Variants in COLGALT2 observed in about 807,000 individuals in gnomAD.
COLGALT2 encodes procollagen galactosyltransferase 2.
In COLGALT2, 49 loss-of-function variants were observed where a neutral mutation model predicts 73.4. The ratio of observed to expected loss-of-function variants is 0.67; its 90% CI spans 0.53 to 0.85. The LOEUF is 0.85. Ranked by LOEUF, COLGALT2 falls within the 40% of genes least tolerant of loss-of-function variation. The pLI is 0.00. For missense variants in COLGALT2, 722 were observed against 790.2 expected (o/e 0.91, Z 1.03); for synonymous variants, 295 against 307.6 (o/e 0.96, Z 0.43).
intron 9 of COLGALT2, among the ~76,000 whole-genome samples, chr1:183,944,701 T>C (rs192777903): frequency 6.6e-6 from 1 of 152,094 alleles, no homozygotes; most frequent in South Asian, 2.1e-4. Flanking sequence ...GGGGTGCTTG[T>C]GGGATGCTGG....
rs754514520 is a variant in COLGALT2, at chr1:183,969,407, C to T, written c.694G>A (p.Val232Ile). 1.4e-5 allele frequency: 23 copies of T among 1,613,654 alleles called. No individual in the cohort carries two copies. Among genetic ancestry groups the T allele is most frequent in the Admixed American group, 3.3e-5 (2 of 59,952 alleles). Residue 232 changes from valine (V) to isoleucine (I), a missense_variant, in exon 5 of 12, where the codon GTC becomes ATC. Val to Ile is a conservative substitution (Grantham distance 29, BLOSUM62 3). Transcript: ENST00000361927. ...AGGAAGGTGGAGTGGACCATGGGGA[C>T]GGGGAAGCAGCCTGTCCTCTTCCAT... is the stretch of plus-strand genomic sequence containing the variant. ...REWKRTGCFP[V>I]PMVHSTFLID...
rs117255932 is a variant in COLGALT2 at position 183,940,255 on chromosome 1, G to A, written c.1604+326C>T. On this transcript the variant is annotated intron_variant, in intron 11 of 11. Transcript: ENST00000361927. Reference sequence around the variant, plus strand: ...GGAACTGGAAATTTTGAGGTGCTTAGGAAGATGGCCTTCACCTTGAGGTGT... The same window carrying A: ...GGAACTGGAAATTTTGAGGTGCTTAAGAAGATGGCCTTCACCTTGAGGTGT... Among the ~76,000 whole-genome samples the A allele has an allele frequency of 6.0e-4, 92 of 152,324 alleles. No individual in the cohort carries two copies. The East Asian group carries it at 0.014, about 22-fold the overall frequency.
intron 1 of COLGALT2, among the ~76,000 whole-genome samples, chr1:183,998,227 G>T (rs527420430): frequency 2.0e-5 from 3 of 152,142 alleles, no homozygotes; most frequent in Non-Finnish European, 4.4e-5. Flanking sequence ...ATACATTATT[G>T]TGGTATTTAT....
intron 1 of COLGALT2, among the ~76,000 whole-genome samples, chr1:184,036,786 G>A (rs931015948): frequency 2.6e-5 from 4 of 152,196 alleles, no homozygotes; most frequent in African/African-American, 4.8e-5. Flanking sequence ...GTCCCCTTGA[G>A]GGGTGTCCCC....
chr1:183,979,147 C>G (rs761277667), intron 1 of COLGALT2, among the ~76,000 whole-genome samples: 2 of 152,240 alleles, frequency 1.3e-5, no homozygotes, highest in African/African-American at 4.8e-5. Context: ...ATAATGTACA[C>G]AAAACTTGTG....
intron 1 of COLGALT2, among the ~76,000 whole-genome samples, chr1:183,979,402 G>C (rs987940153): frequency 5.3e-5 from 8 of 151,740 alleles, no homozygotes; most frequent in Admixed American, 5.3e-4. Context: ...TGACAAAGAA[G>C]GAGACTTTAT....
intron 1 of COLGALT2, among the ~76,000 whole-genome samples, chr1:183,982,815 T>C (rs1280556767): frequency 2.6e-5 from 4 of 152,150 alleles, no homozygotes; most frequent in African/African-American, 9.7e-5. Context: ...AAAAAAATAG[T>C]CTAGGTAATT....
intron 10 of COLGALT2, among the ~76,000 whole-genome samples, chr1:183,941,546 G>A (rs939682377): frequency 6.6e-6 from 1 of 152,170 alleles, no homozygotes; most frequent in Non-Finnish European, 1.5e-5. Context: ...CTATTGATTT[G>A]GGCTTGACTG....
intron 2 of COLGALT2, among the ~76,000 whole-genome samples, chr1:183,975,983 C>T (rs2986555): frequency 0.58 from 88,416 of 152,102 alleles, 29,641 homozygotes; most frequent in Non-Finnish European, 0.76. Flanking sequence ...TGTAACTAAA[C>T]AAATAAGGTT....
intron 1 of COLGALT2, among the ~76,000 whole-genome samples, chr1:184,008,396 A>G (rs567976101): frequency 2.0e-5 from 3 of 152,336 alleles, no homozygotes; most frequent in Admixed American, 1.3e-4. Flanking sequence ...ATGACATTAC[A>G]ACAATTCATA....
At chr1:183,940,467 A>G in intron 11 of COLGALT2, 114 bp downstream of exon 11, 1 of 947,494 alleles carries the variant, frequency 1.1e-6, no homozygotes, top group Non-Finnish European at 1.7e-6. Flanking sequence ...TTATGAGAAG[A>G]TCATTTAGGA....
chr1:183,998,526 ATTG>A (rs2102836408), intron 1 of COLGALT2, among the ~76,000 whole-genome samples: 1 of 152,020 alleles, frequency 6.6e-6, no homozygotes, highest in Non-Finnish European at 1.5e-5. Context: ...CCCTCATCTT[ATTG>A]TTTTGCTTTT....
rs74659183 is a variant in COLGALT2 at position 184,012,217 on chromosome 1, T to C, written c.263+24878A>G. On this transcript the variant is annotated intron_variant, in intron 1 of 11. Coordinates refer to ENST00000361927, the MANE Select transcript of COLGALT2 (RefSeq NM_015101.4). ...TGATTTTTCAAATCCACTAATCTTATAAGCCTTTTTGTGCAAATGTCTCTC... is the reference window on the plus strand; with the variant it reads ...TGATTTTTCAAATCCACTAATCTTACAAGCCTTTTTGTGCAAATGTCTCTC... Among the ~76,000 whole-genome samples the C allele has an allele frequency of 7.0e-3, 1,071 of 152,328 alleles. 12 individuals are homozygous for C. Among genetic ancestry groups the C allele is most frequent in the Middle Eastern group, 0.02 (6 of 294 alleles).
chr1:183,930,070 C>A (rs893541619), exon 12 of COLGALT2: 2 of 356,248 alleles, frequency 5.6e-6, no homozygotes, highest in South Asian at 2.1e-5. Flanking sequence ...TAGACCAAAG[C>A]GACACCTGTC....
chr1:184,018,335 T>G (rs1649072074), intron 1 of COLGALT2, among the ~76,000 whole-genome samples: 1 of 152,120 alleles, frequency 6.6e-6, no homozygotes, highest in Non-Finnish European at 1.5e-5. Flanking sequence ...CCTCTTCCCA[T>G]CTCACTATAT....
rs1306517233 is a variant in COLGALT2 at position 183,962,883 on chromosome 1, C to T, written c.952+1018G>A. ...AGCGTGCCTGTCCTTTCAGCTGAAG[C>T]CCAAATGCCTTCTTATACATCAGAG... On this transcript the variant is annotated intron_variant, in intron 6 of 11. Transcript: ENST00000361927. Among the ~76,000 whole-genome samples, 5 of 152,330 alleles carry T rather than the reference C, an allele frequency of 3.3e-5. No individual in the cohort carries two copies. The East Asian group carries it at 7.7e-4, about 24-fold the overall frequency.
chr1:183,932,576 C>T (rs1353418421), downstream of COLGALT2, among the ~76,000 whole-genome samples: 3 of 152,296 alleles, frequency 2.0e-5, no homozygotes, highest in Admixed American at 2.0e-4. Flanking sequence ...GCTTGCTGCT[C>T]TGGGGAGAGA....
intron 8 of COLGALT2, among the ~76,000 whole-genome samples, chr1:183,946,784 G>A (rs1461315948): frequency 2.0e-5 from 3 of 152,080 alleles, no homozygotes; most frequent in South Asian, 2.1e-4. Flanking sequence ...GTAATCCCAC[G>A]ACTTTGGGAG....
At chr1:184,034,433 C>T (rs777985210) in intron 1 of COLGALT2, among the ~76,000 whole-genome samples, 7 of 152,122 alleles carry the variant, frequency 4.6e-5, no homozygotes, top group Non-Finnish European at 8.8e-5. Context: ...CATACAACTG[C>T]CCCAATCTGA....
Sources: gnomAD v4.1 joint callset for allele counts (sites outside exome capture counted in the v4.1 genomes callset) on GRCh38, gnomAD v4.1.1 for gene constraint, MANE v1.5 for transcripts, NCBI Gene and HGNC (gene_info 2026-07-23, HGNC 2026-07-21) for gene names.